ZDHHC14: variants seen among roughly 807,000 people sequenced by gnomAD.
The protein encoded by ZDHHC14 is zDHHC palmitoyltransferase 14, also known as palmitoyltransferase ZDHHC14.
A neutral mutation model predicts 47.7 loss-of-function variants in ZDHHC14; 16 were observed. That is an observed-to-expected ratio of 0.34 (90% CI 0.23 to 0.51). ZDHHC14 has a LOEUF of 0.51. ZDHHC14 is among the 20% of genes least tolerant of loss of function. The pLI, the probability that ZDHHC14 is intolerant of heterozygous loss-of-function variation, is 0.97. For missense variants in ZDHHC14, 515 were observed against 662.5 expected (o/e 0.78, Z 2.44); for synonymous variants, 293 against 278.9 (o/e 1.05, Z -0.50).
intron 1 of ZDHHC14, among the ~76,000 whole-genome samples, chr6:157,438,204 G>A (rs766065754): frequency 2.0e-5 from 3 of 152,118 alleles, no homozygotes; most frequent in Non-Finnish European, 2.9e-5. Context: ...TCTTGAACAG[G>A]TTGCTAAGGT....
intron 1 of ZDHHC14, among the ~76,000 whole-genome samples, chr6:157,536,835 T>C (rs1159236952): frequency 2.0e-5 from 1 of 49,774 alleles, no homozygotes; most frequent in African/African-American, 7.5e-5. Flanking sequence ...TTTTTTTTTT[T>C]TGAGACAGAG....
intron 7 of ZDHHC14, among the ~76,000 whole-genome samples, chr6:157,648,374 G>T (rs1777661653): frequency 6.6e-6 from 1 of 152,146 alleles, no homozygotes; most frequent in South Asian, 2.1e-4. Flanking sequence ...ATGCGCTTGT[G>T]GAATGCAAAC....
At chr6:157,633,130 T>C (rs1235949098) in intron 5 of ZDHHC14, among the ~76,000 whole-genome samples, 1 of 152,142 alleles carries the variant, frequency 6.6e-6, no homozygotes, top group African/African-American at 2.4e-5. Context: ...GAAATCAGCA[T>C]GGATTTGTGT....
chr6:157,671,627 G>C (rs935294977), intron 8 of ZDHHC14, among the ~76,000 whole-genome samples: 5 of 152,194 alleles, frequency 3.3e-5, no homozygotes, highest in African/African-American at 1.2e-4. Flanking sequence ...CTGGAAATGT[G>C]CTTACACTAT....
intron 2 of ZDHHC14, among the ~76,000 whole-genome samples, chr6:157,568,008 G>A (rs1782969713): frequency 6.6e-6 from 1 of 152,154 alleles, no homozygotes; most frequent in South Asian, 2.1e-4. Flanking sequence ...GCTTCAGAGT[G>A]AAGTAAGAAT....
At chr6:157,656,872 C>T (rs772171429) in intron 8 of ZDHHC14, among the ~76,000 whole-genome samples, 2 of 152,078 alleles carry the variant, frequency 1.3e-5, no homozygotes, top group Non-Finnish European at 2.9e-5. Flanking sequence ...GGAAGCAGAG[C>T]CTCTTCACTG....
intron 1 of ZDHHC14, among the ~76,000 whole-genome samples, chr6:157,423,337 C>T (rs1448165728): frequency 6.6e-6 from 1 of 152,110 alleles, no homozygotes; most frequent in African/African-American, 2.4e-5. Flanking sequence ...TCTTGAAAAT[C>T]CTTTTCCTTT....
chr6:157,570,360 C>A (rs1200474714), intron 2 of ZDHHC14, among the ~76,000 whole-genome samples: 1 of 152,226 alleles, frequency 6.6e-6, no homozygotes, highest in Non-Finnish European at 1.5e-5. Context: ...TGATCTCTAT[C>A]ACTGTACAAT....
intron 2 of ZDHHC14, among the ~76,000 whole-genome samples, chr6:157,584,261 A>G (rs1470748189): frequency 6.6e-6 from 1 of 152,052 alleles, no homozygotes; most frequent in Non-Finnish European, 1.5e-5. Context: ...AGAGTGGGGC[A>G]TGGGGGCTCA....
intron 1 of ZDHHC14, among the ~76,000 whole-genome samples, chr6:157,403,542 T>C (rs924299351): frequency 6.6e-6 from 1 of 152,258 alleles, no homozygotes; most frequent in Non-Finnish European, 1.5e-5. Context: ...TATTGTTCTC[T>C]GCCTTAAGCA....
At chr6:157,593,172 G>T (rs1783984239) in intron 3 of ZDHHC14, 26 bp downstream of exon 3, 1 of 1,591,912 alleles carries the variant, frequency 6.3e-7, no homozygotes, top group African/African-American at 1.3e-5. Context: ...GCGGAGCCTG[G>T]CGGGAGCCCG....
chr6:157,532,965 C>T (rs1213689039), intron 1 of ZDHHC14, among the ~76,000 whole-genome samples: 5 of 152,060 alleles, frequency 3.3e-5, no homozygotes, highest in Admixed American at 6.6e-5. Context: ...TTCTCTACTA[C>T]AAAAATAAGC....
chr6:157,600,799 C>T (rs1296758537), intron 3 of ZDHHC14, among the ~76,000 whole-genome samples: 1 of 152,144 alleles, frequency 6.6e-6, no homozygotes, highest in African/African-American at 2.4e-5. Flanking sequence ...CTTCCCCTCA[C>T]ACCCCCCGGG....
chr6:157,647,928 C>T (rs1405226027), intron 7 of ZDHHC14, among the ~76,000 whole-genome samples: 1 of 152,182 alleles, frequency 6.6e-6, no homozygotes, highest in Non-Finnish European at 1.5e-5. Context: ...ATTAGCCTTT[C>T]ACAAGCTCAC....
chr6:157,498,262 C>T (rs956008528), intron 1 of ZDHHC14, among the ~76,000 whole-genome samples: 2 of 117,210 alleles, frequency 1.7e-5, no homozygotes, highest in Non-Finnish European at 3.5e-5. Flanking sequence ...CATAGTGAGA[C>T]CACATCTCAA....
At chr6:157,425,235 G>A (rs1309792255) in intron 1 of ZDHHC14, among the ~76,000 whole-genome samples, 1 of 152,058 alleles carries the variant, frequency 6.6e-6, no homozygotes, top group Non-Finnish European at 1.5e-5. Context: ...ATAAATGGAG[G>A]CCTTTCCTTC....
At chr6:157,498,664 C>A (rs1780126019) in intron 1 of ZDHHC14, among the ~76,000 whole-genome samples, 1 of 152,192 alleles carries the variant, frequency 6.6e-6, no homozygotes, top group Admixed American at 6.5e-5. Flanking sequence ...TCCCATTGAA[C>A]AGGGAGAAAA....
At chr6:157,595,486 C>T (rs978140651) in intron 3 of ZDHHC14, among the ~76,000 whole-genome samples, 7 of 152,108 alleles carry the variant, frequency 4.6e-5, no homozygotes, top group South Asian at 2.1e-4. Context: ...CCACTGCTCC[C>T]GGCCTAGGCT....
chr6:157,672,641 C>CCCGGGCCGG, intron 8 of ZDHHC14, 83 bp from the exon 9 acceptor site: 1 of 503,004 alleles, frequency 2.0e-6, no homozygotes, highest in Non-Finnish European at 3.5e-6. Flanking sequence ...CCTCCCCGCC[C>CCCGGGCCGG]GTGCCCTGTC....
Sources: gnomAD v4.1 joint callset for allele counts (sites outside exome capture counted in the v4.1 genomes callset) on GRCh38, gnomAD v4.1.1 for gene constraint, MANE v1.5 for transcripts, NCBI Gene and HGNC (gene_info 2026-07-23, HGNC 2026-07-21) for gene names.